Variants in NEK11 observed in about 807,000 individuals in gnomAD.
NEK11 encodes the protein serine/threonine-protein kinase Nek11.
In NEK11, 72 loss-of-function variants were observed where a neutral mutation model predicts 80.7. The ratio of observed to expected loss-of-function variants is 0.89; its 90% CI spans 0.74 to 1.08. The LOEUF (loss-of-function observed/expected upper bound fraction) is 1.08, where lower values mean the gene tolerates loss of function less well. Among genes scored for constraint, NEK11 ranks in the 50% least tolerant of loss-of-function variants. The probability of loss-of-function intolerance (pLI) is 0.00; values close to 1 mark genes in which losing one functional copy is unlikely to be tolerated. For synonymous variants in NEK11, 251 were observed against 260.7 expected, an observed-to-expected ratio of 0.96 and a Z score of 0.36; for missense variants, 764 against 763.6, an observed-to-expected ratio of 1.00 and a Z score of -0.01.
At chr3:131,063,606 G>A (rs187147096) in intron 3 of NEK11, among the ~76,000 whole-genome samples, 1 of 152,296 alleles carries the variant, frequency 6.6e-6, no homozygotes, top group Non-Finnish European at 1.5e-5. Context: ...ATACAGTCCC[G>A]ATAGATAGGG....
In NEK11 at chr3:131,350,037, A is replaced by C; in HGVS notation, c.*261A>C. 1 of 410,534 alleles carries C rather than the reference A, an allele frequency of 2.4e-6. No homozygotes were observed. Among genetic ancestry groups the C allele is most frequent in the Non-Finnish European group, 4.4e-6 (1 of 224,844 alleles). 25.4% of individuals were successfully genotyped at this position (410,534 alleles called of 1,614,324 possible). A position where few individuals can be genotyped will look rare whatever the true frequency, so the allele number is the denominator to read the frequency against. On this transcript the variant is annotated 3_prime_UTR_variant, in exon 18 of 18. Transcript: ENST00000383366. ...GGCTCCCTTGAAAAGCATTTCTCTC[A>C]TGTGCGCCCTCAGGGCTTCCAGCAG...
chr3:131,207,401 G>A (rs1277110055), intron 14 of NEK11, among the ~76,000 whole-genome samples: 15 of 152,146 alleles, frequency 9.9e-5, no homozygotes. Context: ...GGCTAACACG[G>A]TGAAACGCTA....
chr3:131,276,194 A>G (rs2096287421), intron 17 of NEK11, among the ~76,000 whole-genome samples: 1 of 152,254 alleles, frequency 6.6e-6, no homozygotes, highest in South Asian at 2.1e-4. Context: ...TTCTTTATCT[A>G]TAAAATGGTC....
At chr3:131,220,108 G>T (rs1440428962) in intron 14 of NEK11, among the ~76,000 whole-genome samples, 7 of 152,036 alleles carry the variant, frequency 4.6e-5, no homozygotes, top group Non-Finnish European at 7.4e-5. Context: ...TTTCTTTTTG[G>T]TTTTTTGTTT....
intron 5 of NEK11, among the ~76,000 whole-genome samples, chr3:131,118,925 C>G (rs1271589227): frequency 6.6e-6 from 1 of 152,102 alleles, no homozygotes; most frequent in Non-Finnish European, 1.5e-5. Context: ...AAACCAGCTC[C>G]TGGATTGATT....
chr3:131,172,093 A>G (rs1170506167), intron 14 of NEK11, among the ~76,000 whole-genome samples: 1 of 152,218 alleles, frequency 6.6e-6, no homozygotes, highest in African/African-American at 2.4e-5. Context: ...AGAGGTAGCA[A>G]AGGCATCAGG....
At chr3:131,139,408 A>C (rs976905827) in intron 7 of NEK11, among the ~76,000 whole-genome samples, 1 of 152,066 alleles carries the variant, frequency 6.6e-6, no homozygotes, top group African/African-American at 2.4e-5. Context: ...AGTAGCCTCA[A>C]AAGGCAAGTC....
chr3:131,049,944 TAAAAC>T (rs2068073425), intron 3 of NEK11, among the ~76,000 whole-genome samples: 1 of 141,376 alleles, frequency 7.1e-6, no homozygotes, highest in Non-Finnish European at 1.6e-5. Flanking sequence ...ATTGGGAAAA[TAAAAC>T]AGGTGTTTCA....
At chr3:131,280,828 T>C (rs900869664) in intron 17 of NEK11, among the ~76,000 whole-genome samples, 8 of 152,206 alleles carry the variant, frequency 5.3e-5, no homozygotes, top group Non-Finnish European at 1.0e-4. Context: ...ACTTTTGAGC[T>C]TTGTTATGTG....
chr3:131,195,810 A>ATAT (rs1553929106), intron 14 of NEK11, among the ~76,000 whole-genome samples: 2 of 146,756 alleles, frequency 1.4e-5, no homozygotes, highest in African/African-American at 5.0e-5. Flanking sequence ...ATATATATAT[A>ATAT]TATATATATA....
intron 5 of NEK11, among the ~76,000 whole-genome samples, chr3:131,132,396 T>G (rs1317885858): frequency 1.3e-5 from 2 of 152,090 alleles, no homozygotes; most frequent in Non-Finnish European, 2.9e-5. Context: ...ATTTGGGTAA[T>G]AATAGATTAC....
At chr3:131,281,342 C>T (rs1370976821) in intron 17 of NEK11, among the ~76,000 whole-genome samples, 1 of 152,180 alleles carries the variant, frequency 6.6e-6, no homozygotes, top group Non-Finnish European at 1.5e-5. Flanking sequence ...GAATCTCTCT[C>T]CTGCTGCTTA....
chr3:131,311,717 C>T (rs1431712338), intron 17 of NEK11, among the ~76,000 whole-genome samples: 2 of 152,098 alleles, frequency 1.3e-5, no homozygotes, highest in Admixed American at 6.5e-5. Flanking sequence ...TGACGTTTGC[C>T]GCTTGGAAGT....
At chr3:131,092,833 C>A (rs555953123) in intron 4 of NEK11, 2 of 152,242 alleles carry the variant, frequency 1.3e-5, no homozygotes, top group South Asian at 4.1e-4. Context: ...AAATATGGAA[C>A]GCTTCATGAA....
At chr3:131,337,737 G>T (rs1234495657) in intron 17 of NEK11, among the ~76,000 whole-genome samples, 1 of 152,060 alleles carries the variant, frequency 6.6e-6, no homozygotes, top group Admixed American at 6.6e-5. Flanking sequence ...CTACAGAACT[G>T]AGTGACTAGA....
chr3:131,113,538 A>G (rs993056117), intron 5 of NEK11, among the ~76,000 whole-genome samples: 3 of 152,166 alleles, frequency 2.0e-5, no homozygotes, highest in Non-Finnish European at 4.4e-5. Flanking sequence ...GGGTAGAGGG[A>G]TGCAGAGGCA....
chr3:131,333,010 C>T (rs9756618), intron 17 of NEK11, among the ~76,000 whole-genome samples: 1,660 of 152,140 alleles, frequency 0.011, 35 homozygotes, highest in African/African-American at 0.035. Flanking sequence ...CTGAAAGTGA[C>T]GGGGAGAATG....
intron 17 of NEK11, among the ~76,000 whole-genome samples, chr3:131,294,830 CTTTA>C (rs2096577032): frequency 1.3e-5 from 2 of 152,026 alleles, no homozygotes; most frequent in Admixed American, 6.5e-5. Flanking sequence ...TATGTAATGC[CTTTA>C]TTTATCCCTC....
At chr3:131,287,813 C>T (rs542966294) in intron 17 of NEK11, among the ~76,000 whole-genome samples, 28 of 152,192 alleles carry the variant, frequency 1.8e-4, no homozygotes, top group East Asian at 3.9e-4. Flanking sequence ...CCTTGGAGAA[C>T]GCTATTATAC....
Sources: gnomAD v4.1 joint callset for allele counts (sites outside exome capture counted in the v4.1 genomes callset) on GRCh38, gnomAD v4.1.1 for gene constraint, MANE v1.5 for transcripts, NCBI Gene and HGNC (gene_info 2026-07-23, HGNC 2026-07-21) for gene names.